Variants in NRG3 observed in about 807,000 individuals in gnomAD.
The protein encoded by NRG3 is pro-neuregulin-3, membrane-bound isoform.
In NRG3, 31 loss-of-function variants were observed where a neutral mutation model predicts 66.9. The observed-to-expected ratio is 0.46, with a 90% CI of 0.35 to 0.63. The LOEUF (loss-of-function observed/expected upper bound fraction) is 0.63, where lower values mean the gene tolerates loss of function less well. Among genes scored for constraint, NRG3 ranks in the 20% least tolerant of loss-of-function variants. NRG3 has a pLI of 0.00. For missense variants in NRG3, 910 were observed against 878.9 expected, an observed-to-expected ratio of 1.04 and a Z score of -0.45; for synonymous variants, 393 against 359.4, an observed-to-expected ratio of 1.09 and a Z score of -1.06.
intron 4 of NRG3, among the ~76,000 whole-genome samples, chr10:82,942,939 C>T (rs1848695426): frequency 6.6e-6 from 1 of 151,458 alleles, no homozygotes; most frequent in African/African-American, 2.4e-5. Context: ...AATATAGTTA[C>T]CAAGAGTGAA....
At chr10:82,947,293 T>C (rs1849113992) in intron 4 of NRG3, among the ~76,000 whole-genome samples, 1 of 152,204 alleles carries the variant, frequency 6.6e-6, no homozygotes, top group Non-Finnish European at 1.5e-5. Flanking sequence ...ATAGTTCATT[T>C]CTTTTTACTG....
At chr10:82,835,162 A>G (rs1380844937) in intron 3 of NRG3, among the ~76,000 whole-genome samples, 2 of 152,170 alleles carry the variant, frequency 1.3e-5, no homozygotes, top group Non-Finnish European at 2.9e-5. Context: ...AGGCTCTTAT[A>G]TCAGAGCAAA....
chr10:82,864,218 T>C (rs924190371), intron 3 of NRG3, among the ~76,000 whole-genome samples: 1 of 152,058 alleles, frequency 6.6e-6, no homozygotes, highest in Non-Finnish European at 1.5e-5. Context: ...ACAAAAGTAA[T>C]GGCAAAAACC....
intron 1 of NRG3, among the ~76,000 whole-genome samples, chr10:82,207,043 A>G (rs903786816): frequency 2.0e-5 from 3 of 152,026 alleles, no homozygotes; most frequent in Non-Finnish European, 2.9e-5. Flanking sequence ...CTGCTTTCCT[A>G]ATTGTTTTTG....
At position 82,440,376 on chromosome 10, in the gene NRG3, T is replaced by G. The variant is rs2090373026; in HGVS notation, c.953+81508T>G. Among the ~76,000 whole-genome samples the G allele has an allele frequency of 2.6e-5, 4 of 151,480 alleles. 1 individual carries two copies. The South Asian group carries it at 8.3e-4, about 32-fold the overall frequency. On this transcript the variant is annotated intron_variant, in intron 2 of 8. Coordinates refer to ENST00000372141, the MANE Select transcript of NRG3 (RefSeq NM_001010848.4). ...TTGCCTGTTTGATTTTTTTTTTTTTTGAACAGCCTTCTTTTAGTTTTATTT... is the reference window on the plus strand; with the variant it reads ...TTGCCTGTTTGATTTTTTTTTTTTTGGAACAGCCTTCTTTTAGTTTTATTT...
chr10:82,625,765 A>C (rs2049375431), intron 2 of NRG3, among the ~76,000 whole-genome samples: 1 of 152,218 alleles, frequency 6.6e-6, no homozygotes, highest in East Asian at 1.9e-4. Flanking sequence ...AAAGATGGAA[A>C]CATATTGTAT....
intron 3 of NRG3, among the ~76,000 whole-genome samples, chr10:82,814,115 T>C (rs2061608861): frequency 6.6e-6 from 1 of 152,250 alleles, no homozygotes. Context: ...TAATTTGTAG[T>C]ATAATTGAAT....
At chr10:82,400,766 G>C (rs1417166479) in intron 2 of NRG3, among the ~76,000 whole-genome samples, 1 of 151,766 alleles carries the variant, frequency 6.6e-6, no homozygotes, top group African/African-American at 2.4e-5. Context: ...ATAGAGATGA[G>C]GTCTTGCTAT....
intron 1 of NRG3, among the ~76,000 whole-genome samples, chr10:82,012,466 A>G (rs1167757896): frequency 6.6e-6 from 1 of 152,204 alleles, no homozygotes; most frequent in African/African-American, 2.4e-5. Flanking sequence ...TTGGCTCCTC[A>G]TTATTTATGC....
chr10:82,688,957 A>C (rs2054716167), intron 2 of NRG3, among the ~76,000 whole-genome samples: 1 of 151,950 alleles, frequency 6.6e-6, no homozygotes, highest in Admixed American at 6.6e-5. Context: ...TTTAAACGCA[A>C]CTCTATAATT....
At position 82,455,059 on chromosome 10, in the gene NRG3, A is replaced by G. The variant is rs74709907; in HGVS notation, c.953+96191A>G. 9.5e-3 allele frequency among the ~76,000 whole-genome samples: 1,443 copies of G among 152,282 alleles called. 23 individuals carry two copies. The highest frequency in any genetic ancestry group is 0.033 in the African/African-American group (1,360 of 41,558). Reference sequence around the variant, plus strand: ...GGAGGGACTGGAATTTGAACCCTCAAAAACTGAACTCCAAGCACTCTTTAC... The same window carrying G: ...GGAGGGACTGGAATTTGAACCCTCAGAAACTGAACTCCAAGCACTCTTTAC... On this transcript the variant is annotated intron_variant, in intron 2 of 8. Coordinates refer to ENST00000372141, the MANE Select transcript of NRG3 (RefSeq NM_001010848.4).
At chr10:82,008,783 A>G (rs911969453) in intron 1 of NRG3, among the ~76,000 whole-genome samples, 7 of 152,158 alleles carry the variant, frequency 4.6e-5, no homozygotes, top group African/African-American at 7.2e-5. Flanking sequence ...ATTTTATTGG[A>G]CCCACTAACA....
At chr10:82,326,206 C>A (rs1001632195) in intron 1 of NRG3, among the ~76,000 whole-genome samples, 2 of 152,086 alleles carry the variant, frequency 1.3e-5, no homozygotes, top group Non-Finnish European at 2.9e-5. Context: ...CTTTCAGTTT[C>A]TTAAAGATCA....
chr10:82,560,163 A>G (rs991636316), intron 2 of NRG3, among the ~76,000 whole-genome samples: 1 of 151,746 alleles, frequency 6.6e-6, no homozygotes, highest in Non-Finnish European at 1.5e-5. Flanking sequence ...AAAATGTGTT[A>G]ATATATCATA....
intron 3 of NRG3, among the ~76,000 whole-genome samples, chr10:82,826,542 A>C (rs774075256): frequency 3.9e-5 from 6 of 152,246 alleles, no homozygotes; most frequent in Non-Finnish European, 8.8e-5. Flanking sequence ...TGGATGAAGA[A>C]AATGTGGTAC....
intron 1 of NRG3, among the ~76,000 whole-genome samples, chr10:82,237,671 C>A (rs1297034560): frequency 6.6e-6 from 1 of 152,104 alleles, no homozygotes; most frequent in African/African-American, 2.4e-5. Context: ...CTCTCCCCAG[C>A]ATATTTTCCT....
chr10:82,521,771 T>C (rs1431821810), intron 2 of NRG3, among the ~76,000 whole-genome samples: 1 of 152,176 alleles, frequency 6.6e-6, no homozygotes, highest in Non-Finnish European at 1.5e-5. Flanking sequence ...TCTTTAAAAA[T>C]TGGGGTCAAT....
At chr10:82,982,713 G>C (rs533966272) in intron 8 of NRG3, among the ~76,000 whole-genome samples, 16 of 152,290 alleles carry the variant, frequency 1.1e-4, no homozygotes, top group African/African-American at 3.9e-4. Flanking sequence ...AAGTGAGGCT[G>C]CCATTTGTCT....
chr10:82,777,982 A>G (rs1215415409), intron 3 of NRG3, among the ~76,000 whole-genome samples: 1 of 152,210 alleles, frequency 6.6e-6, no homozygotes, highest in East Asian at 1.9e-4. Flanking sequence ...AAGGTGCTGA[A>G]GCTCTTCAGC....
Sources: allele counts gnomAD v4.1 joint callset (sites outside exome capture counted in the v4.1 genomes callset), GRCh38; gene constraint gnomAD v4.1.1; transcripts MANE v1.5; gene names NCBI Gene and HGNC (gene_info 2026-07-23, HGNC 2026-07-21).